The following SMARCC1 variants were observed in gnomAD, a reference collection of about 807,000 sequenced individuals.
The protein encoded by SMARCC1 is SWI/SNF related BAF chromatin remodeling complex subunit C1.
In SMARCC1, 43 loss-of-function variants were observed where a neutral mutation model predicts 147.4. The observed-to-expected ratio is 0.29, with a 90% CI of 0.23 to 0.38. SMARCC1 has a LOEUF of 0.38. Ranked by LOEUF, SMARCC1 falls within the 10% of genes least tolerant of loss-of-function variation. SMARCC1 has a pLI of 1.00. For synonymous variants in SMARCC1, 495 were observed against 484.4 expected (o/e 1.02, Z -0.29); for missense variants, 1,119 against 1,381.1 (o/e 0.81, Z 3.01).
intron 21 of SMARCC1, among the ~76,000 whole-genome samples, chr3:47,646,535 T>C (rs2033123075): frequency 6.6e-6 from 1 of 152,202 alleles, no homozygotes; most frequent in Non-Finnish European, 1.5e-5. Context: ...AAAAACAGTA[T>C]GAAGAAAGGT....
chr3:47,723,746 G>A (rs2034264819), intron 6 of SMARCC1, among the ~76,000 whole-genome samples: 1 of 152,032 alleles, frequency 6.6e-6, no homozygotes, highest in African/African-American at 2.4e-5. Flanking sequence ...GGAGGTGGAG[G>A]TTGCAGCGAG....
chr3:47,659,275 TAAAAAATAAAA>T (rs1349708715), intron 21 of SMARCC1, among the ~76,000 whole-genome samples: 48 of 127,478 alleles, frequency 3.8e-4, no homozygotes, highest in Admixed American at 6.3e-4. Flanking sequence ...AATAAATAAA[TAAAAAATAAAA>T]AAAAAAGAAA....
At chr3:47,748,154 A>G (rs1450184957) in intron 2 of SMARCC1, among the ~76,000 whole-genome samples, 1 of 152,152 alleles carries the variant, frequency 6.6e-6, no homozygotes, top group Non-Finnish European at 1.5e-5. Context: ...TCTCAACAAA[A>G]AATAAAAAAT....
intron 2 of SMARCC1, among the ~76,000 whole-genome samples, chr3:47,757,083 T>C (rs1021520415): frequency 6.6e-6 from 1 of 151,966 alleles, no homozygotes; most frequent in East Asian, 1.9e-4. Flanking sequence ...AGACTGTCTC[T>C]ACAAAAAAAC....
At chr3:47,702,245 A>AAAC (rs1316943020) in intron 10 of SMARCC1, among the ~76,000 whole-genome samples, 1 of 151,496 alleles carries the variant, frequency 6.6e-6, no homozygotes. Flanking sequence ...AAAAAAAAAA[A>AAAC]ACCCCAGTGA....
chr3:47,657,422 A>G (rs1576401192), intron 21 of SMARCC1, among the ~76,000 whole-genome samples: 1 of 152,374 alleles, frequency 6.6e-6, no homozygotes, highest in African/African-American at 2.4e-5. Context: ...GAAAATCTTT[A>G]AAGTTCACAA....
At chr3:47,638,626 A>T (rs554898256) in intron 22 of SMARCC1, 99 bp downstream of exon 22, 31 of 788,976 alleles carry the variant, frequency 3.9e-5, no homozygotes, top group Admixed American at 2.7e-4. Context: ...TGATAGAATT[A>T]TTTAGAGTCC....
chr3:47,610,844 T>C (rs566061373), intron 25 of SMARCC1: 7 of 157,890 alleles, frequency 4.4e-5, no homozygotes, highest in Admixed American at 3.0e-4. Context: ...TCTGCATGAG[T>C]TGACGTGGCC....
chr3:47,689,391 C>A lies in SMARCC1; in HGVS notation c.1259G>T (p.Gly420Val). The A allele has an allele frequency of 6.2e-7, 1 of 1,612,636 alleles. No homozygotes were observed. The highest frequency in any genetic ancestry group is 8.5e-7 in the Non-Finnish European group (1 of 1,178,686). ...CAGGCTTAACTGAATTGTTACCTTTCCTCCTGCTGTGACTGTTTCTTCATC... is the reference window on the plus strand; with the variant it reads ...CAGGCTTAACTGAATTGTTACCTTTACTCCTGCTGTGACTGTTTCTTCATC... ...EQDEETVTAG[G>V]KEDEDPAKGD... Residue 420 changes from glycine (G) to valine (V), a missense_variant, in exon 13 of 28, where the codon GGA becomes GTA. This residue lies in a region of SMARCC1 where 542 missense variants were observed against 611.8 expected (regional missense o/e 0.89). Transcript: ENST00000254480.
At chr3:47,775,009 C>G (rs1338273573) in intron 1 of SMARCC1, among the ~76,000 whole-genome samples, 1 of 152,010 alleles carries the variant, frequency 6.6e-6, no homozygotes, top group Non-Finnish European at 1.5e-5. Flanking sequence ...TCACCAACTT[C>G]TCTGGGCTAG....
intron 24 of SMARCC1, among the ~76,000 whole-genome samples, chr3:47,629,745 G>A (rs138535584): frequency 1.3e-5 from 2 of 152,242 alleles, no homozygotes; most frequent in East Asian, 3.9e-4. Flanking sequence ...TAATAGCCCA[G>A]CGATGAGGTA....
chr3:47,758,656 C>T (rs2034732817), intron 2 of SMARCC1, among the ~76,000 whole-genome samples: 1 of 152,170 alleles, frequency 6.6e-6, no homozygotes, highest in African/African-American at 2.4e-5. Context: ...TAACAGAGCC[C>T]ACAGAGCCTA....
intron 26 of SMARCC1, among the ~76,000 whole-genome samples, chr3:47,606,693 T>TTTTA (rs924164056): frequency 2.0e-5 from 3 of 151,998 alleles, no homozygotes; most frequent in South Asian, 2.1e-4. Flanking sequence ...GAAACTGAAT[T>TTTTA]TTTATTTATT....
intron 26 of SMARCC1, among the ~76,000 whole-genome samples, chr3:47,600,372 T>A (rs1487312321): frequency 6.6e-6 from 1 of 152,120 alleles, no homozygotes; most frequent in Non-Finnish European, 1.5e-5. Flanking sequence ...CCTGGGGCAG[T>A]GGGTTTAGAG....
chr3:47,701,570 T>G (rs2033918553), intron 10 of SMARCC1, 168 bp from the exon 11 acceptor site: 9 of 618,260 alleles, frequency 1.5e-5, no homozygotes, highest in Non-Finnish European at 2.0e-5. Context: ...ATCAGAGCAC[T>G]TTGGGAGGCC....
chr3:47,772,788 C>T (rs746289264), intron 2 of SMARCC1, 29 bp downstream of exon 2: 13 of 1,587,120 alleles, frequency 8.2e-6, no homozygotes, highest in African/African-American at 1.4e-5. Context: ...ACTGAGGATG[C>T]CCAAATAACA....
At chr3:47,588,777 A>G (rs759973668) in intron 27 of SMARCC1, among the ~76,000 whole-genome samples, 1 of 138,968 alleles carries the variant, frequency 7.2e-6, no homozygotes, top group Non-Finnish European at 1.5e-5. Context: ...TGCTATATAA[A>G]TGTCTCCACC....
At chr3:47,744,419 T>C (rs1301580859) in intron 3 of SMARCC1, among the ~76,000 whole-genome samples, 1 of 152,104 alleles carries the variant, frequency 6.6e-6, no homozygotes, top group African/African-American at 2.4e-5. Flanking sequence ...CATCCATATA[T>C]AAAAAGTTTC....
At chr3:47,775,628 C>T (rs2034965305) in intron 1 of SMARCC1, among the ~76,000 whole-genome samples, 1 of 150,700 alleles carries the variant, frequency 6.6e-6, no homozygotes, top group South Asian at 2.1e-4. Flanking sequence ...AAAAACTAGC[C>T]GTGCATGGTG....
Sources: allele counts gnomAD v4.1 joint callset (sites outside exome capture counted in the v4.1 genomes callset), GRCh38; gene constraint gnomAD v4.1.1; regional missense constraint gnomAD v4.1.1; transcripts MANE v1.5; gene names NCBI Gene and HGNC (gene_info 2026-07-23, HGNC 2026-07-21).